Variants in TRAPPC8 observed in about 807,000 individuals in gnomAD.
TRAPPC8 encodes general sporulation gene 1 homolog.
TRAPPC8 carries 54 observed loss-of-function variants against 174.3 expected under a neutral mutation model. That is an observed-to-expected ratio of 0.31 (90% CI 0.25 to 0.39). TRAPPC8 has a LOEUF of 0.39. Among genes scored for constraint, TRAPPC8 ranks in the 10% least tolerant of loss-of-function variants. The pLI is 1.00. For missense variants in TRAPPC8, 1,531 were observed against 1,699.1 expected (o/e 0.90, Z 1.74); for synonymous variants, 630 against 579.9 (o/e 1.09, Z -1.24).
At chr18:31,906,067 T>A (rs1010134122) in intron 9 of TRAPPC8, among the ~76,000 whole-genome samples, 2 of 151,750 alleles carry the variant, frequency 1.3e-5, no homozygotes, top group Non-Finnish European at 2.9e-5. Context: ...TCCATTTCTA[T>A]GAAAGGTTTT....
intron 27 of TRAPPC8, among the ~76,000 whole-genome samples, chr18:31,835,041 T>G (rs932888413): frequency 6.6e-6 from 1 of 152,168 alleles, no homozygotes; most frequent in East Asian, 1.9e-4. Flanking sequence ...TTCTACTACC[T>G]CTCCTGTAAA....
chr18:31,873,314 GGCTGA>G lies in TRAPPC8; in HGVS notation c.2062+111_2062+115del, dbSNP rs1363025894. ...TTACAGGCATGAGCCAATCGTACCC[GGCTGA>G]GCTATTAATTTTCAAATATTCAACT... On this transcript the variant is annotated intron_variant, in intron 14 of 28. Coordinates refer to ENST00000283351, the MANE Select transcript of TRAPPC8 (RefSeq NM_014939.5). 7.0e-6 allele frequency: 6 copies of G among 861,072 alleles called. No homozygotes were observed. The East Asian group carries it at 1.4e-4, about 20-fold the overall frequency. The allele number at this position is 861,072 out of a possible 1,614,324, so 53.3% of individuals were successfully genotyped here. A position where few individuals can be genotyped will look rare whatever the true frequency, so the allele number is the denominator to read the frequency against.
At chr18:31,900,064 C>A (rs943560904) in intron 10 of TRAPPC8, among the ~76,000 whole-genome samples, 1 of 151,778 alleles carries the variant, frequency 6.6e-6, no homozygotes, top group East Asian at 2.0e-4. Flanking sequence ...ATGGTGAAAT[C>A]GTCTCTACTA....
rs186462062 is a variant in TRAPPC8 at position 31,879,950 on chromosome 18, T to C, written c.1729-5246A>G. The stretch of plus-strand genomic sequence containing the variant: ...AAATCTTGAATAGGTCATTAAGTAG[T>C]TACAAAATTCCATCAGTAATTAAAA... On this transcript the variant is annotated intron_variant, in intron 12 of 28. Coordinates refer to ENST00000283351, the MANE Select transcript of TRAPPC8 (RefSeq NM_014939.5). Among the ~76,000 whole-genome samples the C allele has an allele frequency of 2.3e-3, 337 of 145,828 alleles. 1 individual carries two copies. Among genetic ancestry groups the C allele is most frequent in the Middle Eastern group, 0.018 (5 of 278 alleles).
rs558145488 is a variant in TRAPPC8 at position 31,890,970 on chromosome 18, T to C, written c.1597-104A>G. 11 of 1,101,818 alleles carry C rather than the reference T, an allele frequency of 1.0e-5. No individual in the cohort carries two copies. In the African/African-American group the frequency reaches 1.6e-4, roughly 16 times the overall value. 68.3% of individuals were successfully genotyped at this position (1,101,818 alleles called of 1,614,324 possible). ...ATTTCTTAATATATAGCATATCCAA[T>C]GTTTAACTTAAGAGTATATGAGGGC... On this transcript the variant is annotated intron_variant, in intron 11 of 28. Coordinates refer to ENST00000283351, the MANE Select transcript of TRAPPC8 (RefSeq NM_014939.5).
At chr18:31,863,199 C>T (rs917001131) in intron 19 of TRAPPC8, among the ~76,000 whole-genome samples, 6 of 151,984 alleles carry the variant, frequency 3.9e-5, no homozygotes, top group Middle Eastern at 3.4e-3. Context: ...GATTTGCAAA[C>T]ATTAAAAAAC....
intron 9 of TRAPPC8, among the ~76,000 whole-genome samples, chr18:31,902,103 T>G (rs899850935): frequency 2.0e-5 from 3 of 152,100 alleles, no homozygotes; most frequent in African/African-American, 4.8e-5. Flanking sequence ...TCACTTGACA[T>G]CAGGAGTTGG....
At chr18:31,918,646 T>G (rs566541512) in intron 2 of TRAPPC8, among the ~76,000 whole-genome samples, 2 of 152,364 alleles carry the variant, frequency 1.3e-5, no homozygotes, top group Non-Finnish European at 2.9e-5. Context: ...TACTTTGTAA[T>G]TTGATTACTT....
Position 31,830,917 on chromosome 18 carries a change from G to C in TRAPPC8, c.4146C>G (p.Ser1382Arg), listed in dbSNP as rs2032323542. 6.2e-7 allele frequency: 1 copy of C among 1,614,064 alleles called. No individual in the cohort carries two copies. The highest frequency in any genetic ancestry group is 8.5e-7 in the Non-Finnish European group (1 of 1,180,034). The change falls in exon 29 of 29, where the codon AGC (serine) becomes AGG (arginine). Residue 1382 changes from serine to arginine, a missense_variant. Physicochemically the swap from Ser to Arg is moderately radical, Grantham distance 110 (BLOSUM62 -1). Coordinates refer to ENST00000283351, the MANE Select transcript of TRAPPC8 (RefSeq NM_014939.5). ...TCAGCTGCAGACTGTGAATCTCCTGGCTTTTAAGTTGAAGTTTATACTGTG... is the reference window on the plus strand; with the variant it reads ...TCAGCTGCAGACTGTGAATCTCCTGCCTTTTAAGTTGAAGTTTATACTGTG... ...GQTQYKLQLK[S>R]QEIHSLQLKA...
intron 18 of TRAPPC8, 94 bp from the exon 19 acceptor site, chr18:31,864,875 A>G (rs2034513120): frequency 8.8e-7 from 1 of 1,137,930 alleles, no homozygotes. Flanking sequence ...GTTTCAGATT[A>G]TTTCTAGAAA....
intron 25 of TRAPPC8, among the ~76,000 whole-genome samples, chr18:31,848,895 T>C (rs1317924304): frequency 6.6e-6 from 1 of 152,174 alleles, no homozygotes; most frequent in East Asian, 1.9e-4. Context: ...AATACTAATG[T>C]CTAAATAATC....
At chr18:31,910,910 C>A (rs2036876463) in intron 5 of TRAPPC8, among the ~76,000 whole-genome samples, 1 of 152,076 alleles carries the variant, frequency 6.6e-6, no homozygotes, top group Admixed American at 6.6e-5. Context: ...CTTAGAATGG[C>A]CCCTAAAAGA....
chr18:31,912,436 G>A (rs1473160826), intron 5 of TRAPPC8, among the ~76,000 whole-genome samples: 1 of 152,050 alleles, frequency 6.6e-6, no homozygotes, highest in African/African-American at 2.4e-5. Context: ...GGGTTGCAGT[G>A]AGCCAAGATC....
chr18:31,928,147 C>G (rs1275828955), intron 2 of TRAPPC8, among the ~76,000 whole-genome samples: 1 of 150,536 alleles, frequency 6.6e-6, no homozygotes. Context: ...AAGAGTGAGA[C>G]TCCGACTAAA....
At chr18:31,940,774 A>G (rs2038300229) in intron 1 of TRAPPC8, among the ~76,000 whole-genome samples, 1 of 152,046 alleles carries the variant, frequency 6.6e-6, no homozygotes, top group Admixed American at 6.6e-5. Flanking sequence ...TGGGATTACA[A>G]GCGTGAGCCA....
At chr18:31,921,259 C>T (rs1282196556) in intron 2 of TRAPPC8, among the ~76,000 whole-genome samples, 1 of 152,020 alleles carries the variant, frequency 6.6e-6, no homozygotes, top group Admixed American at 6.6e-5. Context: ...ATTATCTATA[C>T]AAGAGAGAAG....
At chr18:31,865,972 T>C (rs919387172) in intron 18 of TRAPPC8, among the ~76,000 whole-genome samples, 1 of 151,964 alleles carries the variant, frequency 6.6e-6, no homozygotes, top group Admixed American at 6.6e-5. Context: ...TTTCACTTAT[T>C]TTTCTTAAAT....
chr18:31,830,815 T>G lies in TRAPPC8; in HGVS notation c.4248A>C (p.Thr1416=). 6.2e-7 allele frequency: 1 copy of G among 1,614,188 alleles called. No individual in the cohort carries two copies. Among genetic ancestry groups the G allele is most frequent in the Non-Finnish European group, 8.5e-7 (1 of 1,180,030 alleles). ...AATTCTGCTGACTTGTTTCAAACAC[T>G]GTAACTTGGTCCGATAACTTGGCAA... ...RVFAKLSDQV[T]VFETSQQNSM... Residue 1416 remains threonine (T), a synonymous_variant, in exon 29 of 29, where the codon ACA becomes ACC. Coordinates refer to ENST00000283351, the MANE Select transcript of TRAPPC8 (RefSeq NM_014939.5).
At chr18:31,892,325 T>C (rs1393168566) in intron 11 of TRAPPC8, among the ~76,000 whole-genome samples, 1 of 152,182 alleles carries the variant, frequency 6.6e-6, no homozygotes, top group African/African-American at 2.4e-5. Context: ...CACATATATT[T>C]TGATACGTAA....
Sources: allele counts gnomAD v4.1 joint callset (sites outside exome capture counted in the v4.1 genomes callset), GRCh38; gene constraint gnomAD v4.1.1; transcripts MANE v1.5; gene names NCBI Gene and HGNC (gene_info 2026-07-23, HGNC 2026-07-21).